PLSCR2: variants seen among roughly 807,000 people sequenced by gnomAD.
The protein encoded by PLSCR2 is PL scramblase 2.
In PLSCR2, 18 loss-of-function variants were observed where a neutral mutation model predicts 25.3. The ratio of observed to expected loss-of-function variants is 0.71; its 90% CI spans 0.49 to 1.06. The LOEUF is 1.06. Among genes scored for constraint, PLSCR2 ranks in the 50% least tolerant of loss-of-function variants. The pLI, the probability that PLSCR2 is intolerant of heterozygous loss-of-function variation, is 0.00. For synonymous variants in PLSCR2, 88 were observed against 87.3 expected (o/e 1.01, Z -0.04); for missense variants, 243 against 269.5 (o/e 0.90, Z 0.69).
intron 1 of PLSCR2, among the ~76,000 whole-genome samples, chr3:146,491,358 T>C (rs1393139035): frequency 6.6e-6 from 1 of 152,074 alleles, no homozygotes; most frequent in East Asian, 1.9e-4. Flanking sequence ...GTACAGTATC[T>C]TACAGGGTTC....
intron 3 of PLSCR2, among the ~76,000 whole-genome samples, chr3:146,393,063 C>G (rs1278192385): frequency 4.0e-5 from 5 of 124,204 alleles, no homozygotes; most frequent in Admixed American, 3.1e-4. Flanking sequence ...GAGTCTCGCT[C>G]TGTTGTCCAG....
intron 2 of PLSCR2, among the ~76,000 whole-genome samples, chr3:146,414,204 A>G (rs985004304): frequency 1.3e-5 from 2 of 152,242 alleles, no homozygotes; most frequent in African/African-American, 4.8e-5. Flanking sequence ...CAGAGCCCTC[A>G]TGACCTAATC....
At chr3:146,470,497 G>A (rs1314925200) in intron 1 of PLSCR2, among the ~76,000 whole-genome samples, 1 of 152,062 alleles carries the variant, frequency 6.6e-6, no homozygotes, top group Non-Finnish European at 1.5e-5. Context: ...GCAGTGAGTC[G>A]AGATCCAGCC....
intron 3 of PLSCR2, among the ~76,000 whole-genome samples, chr3:146,395,495 C>T (rs1040229959): frequency 3.3e-5 from 5 of 151,994 alleles, no homozygotes; most frequent in Admixed American, 6.6e-5. Flanking sequence ...CTGAATGAAC[C>T]ATATTTTTAC....
chr3:146,472,072 G>A lies in PLSCR2; in HGVS notation c.-292-11788C>T, dbSNP rs557178891. Among the ~76,000 whole-genome samples, 5 of 152,204 alleles carry A rather than the reference G, an allele frequency of 3.3e-5. No homozygotes were observed. In the East Asian group the frequency reaches 9.7e-4, roughly 29 times the overall value. On this transcript the variant is annotated intron_variant, in intron 1 of 8. Coordinates refer to the PLSCR2 transcript ENST00000336685. ...GTCTATTCCTTATTTCCAAGCAGTTGGGAATGTCTAGTTGTCTTTTTATTA... is the reference window on the plus strand; with the variant it reads ...GTCTATTCCTTATTTCCAAGCAGTTAGGAATGTCTAGTTGTCTTTTTATTA...
At chr3:146,398,622 A>G (rs1399352296) in intron 2 of PLSCR2, 2 of 151,770 alleles carry the variant, frequency 1.3e-5, no homozygotes, top group Admixed American at 1.3e-4. Flanking sequence ...ATAATTAACT[A>G]ATTTTAATAT....
chr3:146,443,350 C>G (rs1342378138), intron 6 of PLSCR2, among the ~76,000 whole-genome samples: 2 of 151,952 alleles, frequency 1.3e-5, no homozygotes, highest in East Asian at 1.9e-4. Context: ...GGTATTCATT[C>G]TTTAAATGTT....
intron 2 of PLSCR2, chr3:146,398,589 TA>T (rs2038354300): frequency 6.6e-6 from 1 of 151,194 alleles, no homozygotes; most frequent in Non-Finnish European, 1.5e-5. Context: ...TCATATTCAT[TA>T]ATTATATATT....
intron 2 of PLSCR2, chr3:146,401,268 A>T (rs1396974254): frequency 6.6e-6 from 1 of 152,358 alleles, no homozygotes. Flanking sequence ...TCCATTCCAG[A>T]CAATTCTTTG....
chr3:146,471,391 T>C (rs2042115505), intron 1 of PLSCR2, among the ~76,000 whole-genome samples: 1 of 152,222 alleles, frequency 6.6e-6, no homozygotes. Context: ...ATTCTGATTG[T>C]TAATGAGATT....
At chr3:146,398,357 C>G (rs768169518) in intron 2 of PLSCR2, among the ~76,000 whole-genome samples, 45 of 151,576 alleles carry the variant, frequency 3.0e-4, no homozygotes, top group Non-Finnish European at 5.2e-4. Flanking sequence ...ATAATTAGTA[C>G]CAGATTAGGT....
Position 146,454,064 on chromosome 3 carries a change from CCT to C in PLSCR2, c.419_420del (p.Glu140GlyfsTer6). On this transcript the variant is annotated frameshift_variant, in exon 5 of 7. Coordinates refer to ENST00000610787, the Ensembl canonical transcript of PLSCR2. LOFTEE classifies it high-confidence loss of function. Reference sequence around the variant, plus strand: ...CATGGACCACTAATTTTTAGTACATCCTCTCTTTTCTGATTTTTAATTGTAAA... The same window carrying C: ...CATGGACCACTAATTTTTAGTACATCCTCTTTTCTGATTTTTAATTGTAAA... 6.2e-7 allele frequency: 1 copy of C among 1,610,140 alleles called. No individual in the cohort carries two copies. Among genetic ancestry groups the C allele is most frequent in the Non-Finnish European group, 8.5e-7 (1 of 1,178,644 alleles).
upstream of PLSCR2, among the ~76,000 whole-genome samples, chr3:146,462,286 C>G (rs915696653): frequency 4.0e-5 from 6 of 151,788 alleles, no homozygotes; most frequent in African/African-American, 1.5e-4. Context: ...GAGACAAGGT[C>G]TCATTATGTT....
chr3:146,406,153 C>T (rs901961167), intron 2 of PLSCR2, among the ~76,000 whole-genome samples: 1 of 152,146 alleles, frequency 6.6e-6, no homozygotes, highest in African/African-American at 2.4e-5. Flanking sequence ...ATGAGAAGCA[C>T]AAGTTATGGA....
At chr3:146,465,105 G>A (rs1246101750), upstream of PLSCR2, among the ~76,000 whole-genome samples, 1 of 152,090 alleles carries the variant, frequency 6.6e-6, no homozygotes, top group Non-Finnish European at 1.5e-5. Flanking sequence ...GCATAATAAA[G>A]AAGTTCCCAC....
At chr3:146,476,577 G>A (rs1273741029) in intron 1 of PLSCR2, among the ~76,000 whole-genome samples, 1 of 152,208 alleles carries the variant, frequency 6.6e-6, no homozygotes, top group Non-Finnish European at 1.5e-5. Flanking sequence ...CCAGGAAAAG[G>A]ACAGCAGCCC....
At chr3:146,479,306 TAA>T (rs1005100942) in intron 1 of PLSCR2, among the ~76,000 whole-genome samples, 12 of 152,260 alleles carry the variant, frequency 7.9e-5, no homozygotes, top group African/African-American at 2.9e-4. Context: ...GCAAATTGGA[TAA>T]AGAGTCAAGA....
intron 1 of PLSCR2, among the ~76,000 whole-genome samples, chr3:146,476,975 A>G (rs545006282): frequency 6.6e-6 from 1 of 152,340 alleles, no homozygotes; most frequent in East Asian, 1.9e-4. Context: ...GATTCCCCTA[A>G]GAACAGCACA....
intron 6 of PLSCR2, among the ~76,000 whole-genome samples, chr3:146,448,060 G>A (rs1306663747): frequency 2.0e-5 from 3 of 152,112 alleles, no homozygotes; most frequent in East Asian, 3.9e-4. Flanking sequence ...GCCGGGTATG[G>A]GGGAGGAGTG....
Sources: allele counts gnomAD v4.1 joint callset (sites outside exome capture counted in the v4.1 genomes callset), GRCh38; gene constraint gnomAD v4.1.1; transcripts MANE v1.5; gene names NCBI Gene and HGNC (gene_info 2026-07-23, HGNC 2026-07-21).